The following NXPE2 variants were observed in gnomAD, a reference collection of about 807,000 sequenced individuals.
NXPE2 encodes the protein neurexophilin and PC-esterase domain family member 2.
NXPE2 carries 34 observed loss-of-function variants against 34.4 expected under a neutral mutation model. The ratio of observed to expected loss-of-function variants is 0.99; its 90% CI spans 0.75 to 1.31. The LOEUF (loss-of-function observed/expected upper bound fraction) is 1.31, where lower values mean the gene tolerates loss of function less well. Among genes scored for constraint, NXPE2 ranks in the 40% most tolerant of loss-of-function variants. The pLI, the probability that NXPE2 is intolerant of heterozygous loss-of-function variation, is 0.00. For synonymous variants in NXPE2, 235 were observed against 231.3 expected (o/e 1.02, Z -0.15); for missense variants, 649 against 672.5 (o/e 0.97, Z 0.39).
chr11:114,633,461 T>C, the NXPE2 span, among the ~76,000 whole-genome samples: 4 of 148,070 alleles, frequency 2.7e-5, no homozygotes, highest in South Asian at 6.3e-4. Flanking sequence ...TTTTTCTTTT[T>C]TTTATTTTAG....
chr11:114,560,665 C>T, the NXPE2 span, among the ~76,000 whole-genome samples: 4 of 152,144 alleles, frequency 2.6e-5, no homozygotes, highest in African/African-American at 9.7e-5. Context: ...TCGTCATTAT[C>T]ATAAACATTA....
chr11:114,582,440 A>G, the NXPE2 span: 1 of 1,614,176 alleles, frequency 6.2e-7, no homozygotes, highest in Non-Finnish European at 8.5e-7. Flanking sequence ...ACAATTCAGC[A>G]TTTGTGTTTA....
chr11:114,786,840 C>T, the NXPE2 span, among the ~76,000 whole-genome samples: 1 of 152,254 alleles, frequency 6.6e-6, no homozygotes, highest in East Asian at 1.9e-4. Context: ...AAGCCCCACG[C>T]ATGGTTCACA....
chr11:114,706,086 T>G (rs1164168294), intron 5 of NXPE2, 90 bp downstream of exon 5: 2 of 304,878 alleles, frequency 6.6e-6, no homozygotes, highest in African/African-American at 9.6e-5. Flanking sequence ...TTTTCTAATA[T>G]TTATTTTATT....
chr11:114,664,965 T>A, the NXPE2 span, among the ~76,000 whole-genome samples: 1 of 152,168 alleles, frequency 6.6e-6, no homozygotes, highest in Non-Finnish European at 1.5e-5. Context: ...GTTTGGTAGG[T>A]TAGATGTATT....
the NXPE2 span, among the ~76,000 whole-genome samples, chr11:114,768,286 C>T: frequency 2.6e-5 from 4 of 152,110 alleles, no homozygotes; most frequent in Admixed American, 2.6e-4. Flanking sequence ...GTTTTGGTAC[C>T]AGTACCATGC....
At chr11:114,503,975 C>T in the NXPE2 span, among the ~76,000 whole-genome samples, 1 of 152,182 alleles carries the variant, frequency 6.6e-6, no homozygotes, top group Non-Finnish European at 1.5e-5. Flanking sequence ...CTCTGGAGGC[C>T]CACACCATAG....
At chr11:114,705,027 T>C (rs912572411) in intron 4 of NXPE2, among the ~76,000 whole-genome samples, 4 of 152,228 alleles carry the variant, frequency 2.6e-5, no homozygotes, top group African/African-American at 9.6e-5. Context: ...CCTCAATGTG[T>C]ACCCCATATC....
the NXPE2 span, among the ~76,000 whole-genome samples, chr11:114,567,491 G>C: frequency 3.0e-4 from 46 of 152,026 alleles, no homozygotes; most frequent in African/African-American, 1.1e-3. Flanking sequence ...CCTTGGGGAG[G>C]GACCTTCTTT....
the NXPE2 span, among the ~76,000 whole-genome samples, chr11:114,596,078 GA>G: frequency 6.6e-6 from 1 of 152,170 alleles, no homozygotes; most frequent in Non-Finnish European, 1.5e-5. Flanking sequence ...ATCATCAACA[GA>G]AAGTCAAACT....
chr11:114,606,480 G>C, the NXPE2 span, among the ~76,000 whole-genome samples: 12 of 151,442 alleles, frequency 7.9e-5, no homozygotes, highest in African/African-American at 2.9e-4. Context: ...GGTAACCACT[G>C]TTCCTTGGTG....
intron 2 of NXPE2, among the ~76,000 whole-genome samples, chr11:114,693,073 G>T (rs1447775301): frequency 6.6e-6 from 1 of 152,146 alleles, no homozygotes; most frequent in Non-Finnish European, 1.5e-5. Context: ...GAAGTTTAAA[G>T]ACCTCATTAT....
chr11:114,725,967 TAAAAA>T, the NXPE2 span, among the ~76,000 whole-genome samples: 3,624 of 77,038 alleles, frequency 0.047, 257 homozygotes, highest in African/African-American at 0.14. Flanking sequence ...TAAAGTATAA[TAAAAA>T]AAAAATATAT....
At chr11:114,647,814 G>T in the NXPE2 span, among the ~76,000 whole-genome samples, 1 of 151,724 alleles carries the variant, frequency 6.6e-6, no homozygotes, top group Non-Finnish European at 1.5e-5. Flanking sequence ...CGATTCTCCT[G>T]CCTCAGCCTT....
the NXPE2 span, among the ~76,000 whole-genome samples, chr11:114,645,286 G>A: frequency 3.3e-5 from 5 of 152,068 alleles, no homozygotes; most frequent in East Asian, 1.9e-4. Flanking sequence ...GGGTGACAGA[G>A]TGAGACTCCA....
At chr11:114,544,053 G>C in the NXPE2 span, among the ~76,000 whole-genome samples, 1 of 152,120 alleles carries the variant, frequency 6.6e-6, no homozygotes, top group African/African-American at 2.4e-5. Context: ...TATGTAGAAA[G>C]CTGTGAAACA....
chr11:114,714,028 G>A, the NXPE2 span, among the ~76,000 whole-genome samples: 1 of 152,204 alleles, frequency 6.6e-6, no homozygotes, highest in Non-Finnish European at 1.5e-5. Flanking sequence ...AAAGCAAAAT[G>A]TGTTCTAGTA....
At chr11:114,610,513 G>A in the NXPE2 span, among the ~76,000 whole-genome samples, 1 of 151,810 alleles carries the variant, frequency 6.6e-6, no homozygotes, top group South Asian at 2.1e-4. Context: ...GTTGCCTCAT[G>A]TGTAACCACT....
At chr11:114,533,721 G>A in the NXPE2 span, among the ~76,000 whole-genome samples, 1,898 of 152,308 alleles carry the variant, frequency 0.012, 40 homozygotes, top group African/African-American at 0.044. Context: ...ACTGCAAGGC[G>A]GCAGCAAGAC....
Sources: gnomAD v4.1 joint callset for allele counts (sites outside exome capture counted in the v4.1 genomes callset) on GRCh38, gnomAD v4.1.1 for gene constraint, MANE v1.5 for transcripts, NCBI Gene and HGNC (gene_info 2026-07-23, HGNC 2026-07-21) for gene names.